GMDS: variants seen among roughly 807,000 people sequenced by gnomAD.
The protein encoded by GMDS is GDP-mannose 4,6 dehydratase.
A neutral mutation model predicts 49.9 loss-of-function variants in GMDS; 20 were observed. The ratio of observed to expected loss-of-function variants is 0.40; its 90% CI spans 0.28 to 0.58. The LOEUF (loss-of-function observed/expected upper bound fraction) is 0.58, where lower values mean the gene tolerates loss of function less well. Ranked by LOEUF, GMDS falls within the 20% of genes least tolerant of loss-of-function variation. GMDS has a pLI of 0.42. For synonymous variants in GMDS, 177 were observed against 178.6 expected (o/e 0.99, Z 0.07); for missense variants, 362 against 481.4 (o/e 0.75, Z 2.32).
intron 7 of GMDS, among the ~76,000 whole-genome samples, chr6:1,758,933 T>C (rs2113543895): frequency 6.6e-6 from 1 of 152,324 alleles, no homozygotes; most frequent in East Asian, 1.9e-4. Context: ...TATGTATTTA[T>C]TATTTTTGAC....
At chr6:1,649,768 C>T (rs181423170) in intron 9 of GMDS, among the ~76,000 whole-genome samples, 1 of 152,332 alleles carries the variant, frequency 6.6e-6, no homozygotes, top group East Asian at 1.9e-4. Context: ...TTTATTGCCT[C>T]CTTCTCCAAT....
chr6:1,959,953 G>A lies in GMDS; in HGVS notation c.557C>T (p.Ala186Val). 6.2e-7 allele frequency: 1 copy of A among 1,600,892 alleles called. No homozygotes were observed. The highest frequency in any genetic ancestry group is 8.5e-7 in the Non-Finnish European group (1 of 1,174,344). Reference sequence around the variant, plus strand: ...ACGGAAGTTCACCACAATCCAATAGGCATAGAGTTTTGCTGCCCCTGTTGG... The same window carrying A: ...ACGGAAGTTCACCACAATCCAATAGACATAGAGTTTTGCTGCCCCTGTTGG... ...RSPYGAAKLY[A>V]YWIVVNFREA... Residue 186 changes from alanine (A) to valine (V), a missense_variant, in exon 6 of 11, where the codon GCC becomes GTC. Coordinates refer to ENST00000380815, the MANE Select transcript of GMDS (RefSeq NM_001500.4).
intron 1 of GMDS, among the ~76,000 whole-genome samples, chr6:2,157,804 A>T (rs911245391): frequency 7.2e-5 from 11 of 152,214 alleles, no homozygotes; most frequent in African/African-American, 2.7e-4. Context: ...TTTATTACTC[A>T]ATACAATTAT....
chr6:2,049,891 A>C (rs895786825), intron 4 of GMDS, among the ~76,000 whole-genome samples: 1 of 152,248 alleles, frequency 6.6e-6, no homozygotes, highest in African/African-American at 2.4e-5. Context: ...GTGTAGAGGG[A>C]AATTTATAGC....
intron 9 of GMDS, among the ~76,000 whole-genome samples, chr6:1,695,752 TTCAGAGTCCCACGTGTTCTTTTCCAGGC>T (rs1480686421): frequency 5.3e-5 from 8 of 152,110 alleles, no homozygotes; most frequent in Admixed American, 6.5e-5. Flanking sequence ...GCACCGCCTC[TTCAGAGTCCCACGTGTTCTTTTCCAGGC>T]TCAAACTTAA....
rs549473149 is a variant in GMDS, at chr6:1,853,462, G to A, written c.771+76641C>T. Among the ~76,000 whole-genome samples the A allele has an allele frequency of 2.8e-5, 4 of 144,042 alleles. No homozygotes were observed. In the South Asian group the frequency reaches 8.6e-4, roughly 31 times the overall value. The allele number at this position is 144,042 out of a possible 152,430, so 94.5% of individuals were successfully genotyped here. A position where few individuals can be genotyped will look rare whatever the true frequency, so the allele number is the denominator to read the frequency against. ...GAACCCGGGAGGCGGAGCTTGCAGT[G>A]AGCTGAGATCGCGCCACTGCACTCC... On this transcript the variant is annotated intron_variant, in intron 7 of 10. Coordinates refer to ENST00000380815, the MANE Select transcript of GMDS (RefSeq NM_001500.4).
chr6:1,707,472 C>A (rs1397403524), intron 9 of GMDS, among the ~76,000 whole-genome samples: 1 of 152,134 alleles, frequency 6.6e-6, no homozygotes, highest in African/African-American at 2.4e-5. Context: ...GGCCCTGCTC[C>A]AGAGCCCTCT....
chr6:1,778,385 T>C lies in GMDS; in HGVS notation c.772-35799A>G, dbSNP rs538238155. The stretch of plus-strand genomic sequence containing the variant: ...ATTATTATAACACCTGAAAGATAAA[T>C]GAGCTGATGTTAAAGGTTCAGTGGA... On this transcript the variant is annotated intron_variant, in intron 7 of 10. Transcript: ENST00000380815. This position sits in a 1 kb window ranked among gnomAD's most constrained non-coding sequence, Gnocchi z 4.6. 2.6e-5 allele frequency among the ~76,000 whole-genome samples: 4 copies of C among 152,250 alleles called. No individual in the cohort carries two copies. In the East Asian group the frequency reaches 5.8e-4, roughly 22 times the overall value.
intron 4 of GMDS, among the ~76,000 whole-genome samples, chr6:2,030,489 A>G (rs1768886417): frequency 6.6e-6 from 1 of 152,200 alleles, no homozygotes; most frequent in African/African-American, 2.4e-5. Flanking sequence ...CTCCCTACAT[A>G]AAATGCATAT....
At position 1,635,434 on chromosome 6, in the gene GMDS, G is replaced by T. The variant is rs1763117245; in HGVS notation, c.988-10894C>A. On this transcript the variant is annotated intron_variant, in intron 9 of 10. Transcript: ENST00000380815. The surrounding 1 kb of genome is among the most constrained non-coding windows in gnomAD (Gnocchi z 4.7). The stretch of plus-strand genomic sequence containing the variant: ...TGCAGCAGGAGGAAGTCCGAGAGGG[G>T]GCCTTTCACATGACATCATAAAAGC... 6.6e-6 allele frequency among the ~76,000 whole-genome samples: 1 copy of T among 152,142 alleles called. No homozygotes were observed. Among genetic ancestry groups the T allele is most frequent in the South Asian group, 2.1e-4 (1 of 4,820 alleles).
intron 4 of GMDS, among the ~76,000 whole-genome samples, chr6:1,999,920 CATATTAT>C (rs1766563526): frequency 1.5e-5 from 1 of 66,550 alleles, no homozygotes; most frequent in South Asian, 5.0e-4. Context: ...ATATTATATA[CATATTAT>C]ATATTATTAT....
intron 4 of GMDS, among the ~76,000 whole-genome samples, chr6:2,022,959 T>G (rs1023967912): frequency 6.6e-6 from 1 of 152,136 alleles, no homozygotes; most frequent in African/African-American, 2.4e-5. Flanking sequence ...AATTAGAGGG[T>G]TTTTTTAATT....
At chr6:2,113,820 C>T (rs1482205836) in intron 4 of GMDS, among the ~76,000 whole-genome samples, 1 of 152,146 alleles carries the variant, frequency 6.6e-6, no homozygotes, top group Middle Eastern at 3.2e-3. Context: ...ATGCACTCAA[C>T]AAATATTTGT....
At chr6:2,023,048 T>G (rs944830316) in intron 4 of GMDS, among the ~76,000 whole-genome samples, 1 of 152,208 alleles carries the variant, frequency 6.6e-6, no homozygotes, top group Non-Finnish European at 1.5e-5. Context: ...CAGCTAATAC[T>G]GACGTAGGAC....
At chr6:1,870,331 G>A (rs773194611) in intron 7 of GMDS, among the ~76,000 whole-genome samples, 6 of 152,174 alleles carry the variant, frequency 3.9e-5, no homozygotes, top group Non-Finnish European at 5.9e-5. Flanking sequence ...TTCCAGAAGA[G>A]CTAAGGATGA....
At chr6:1,885,708 T>A (rs1759568158) in intron 7 of GMDS, among the ~76,000 whole-genome samples, 1 of 152,218 alleles carries the variant, frequency 6.6e-6, no homozygotes, top group South Asian at 2.1e-4. Flanking sequence ...GATGTTACCA[T>A]CTACTTGCTA....
rs547288188 is a variant in GMDS at position 1,803,349 on chromosome 6, C to T, written c.772-60763G>A. The stretch of plus-strand genomic sequence containing the variant: ...AAAAACGTCTCTGGGCTGTAAACAC[C>T]AGTCAATGTATTTCTTTTCTGCTTT... On this transcript the variant is annotated intron_variant, in intron 7 of 10. Coordinates refer to ENST00000380815, the MANE Select transcript of GMDS (RefSeq NM_001500.4). Among the ~76,000 whole-genome samples the T allele has an allele frequency of 3.3e-5, 5 of 152,254 alleles. No individual in the cohort carries two copies. In the South Asian group the frequency reaches 1.0e-3, roughly 32 times the overall value.
At chr6:1,955,530 A>G (rs3800150) in intron 6 of GMDS, among the ~76,000 whole-genome samples, 52,625 of 152,014 alleles carry the variant, frequency 0.35, 9,991 homozygotes, top group East Asian at 0.45. Flanking sequence ...CTCCCATTTC[A>G]TAAGAAGCAA....
At chr6:2,181,851 A>C (rs973388773) in intron 1 of GMDS, among the ~76,000 whole-genome samples, 5 of 152,180 alleles carry the variant, frequency 3.3e-5, no homozygotes, top group African/African-American at 1.2e-4. Context: ...CCCAGCAATG[A>C]CCTCCATGTG....
Sources: allele counts gnomAD v4.1 joint callset (sites outside exome capture counted in the v4.1 genomes callset), GRCh38; gene constraint gnomAD v4.1.1; non-coding constraint Gnocchi (gnomAD v3.1); transcripts MANE v1.5; gene names NCBI Gene and HGNC (gene_info 2026-07-23, HGNC 2026-07-21).